The following SPRY3 variants were observed in gnomAD, a reference collection of about 807,000 sequenced individuals.
SPRY3 encodes the protein sprouty RTK signaling antagonist 3.
In SPRY3, 15 loss-of-function variants were observed where a neutral mutation model predicts 20.2. That is an observed-to-expected ratio of 0.74 (90% confidence interval 0.50 to 1.14). The LOEUF (loss-of-function observed/expected upper bound fraction) is 1.14, where lower values mean the gene tolerates loss of function less well. SPRY3 is among the 50% of genes most tolerant of loss of function. The probability of loss-of-function intolerance (pLI) is 0.00; values close to 1 mark genes in which losing one functional copy is unlikely to be tolerated. For synonymous variants in SPRY3, 143 were observed against 136.5 expected (o/e 1.05, Z -0.33); for missense variants, 364 against 363.9 (o/e 1.00, Z 0.00).
intron 2 of SPRY3, among the ~76,000 whole-genome samples, chrX:155,657,935 C>T (rs1220843847): frequency 7.3e-5 from 8 of 109,635 alleles, no homozygotes; most frequent in African/African-American, 2.8e-4. Context: ...GGGCTGCACC[C>T]GCTGCCTAAC....
intron 2 of SPRY3, among the ~76,000 whole-genome samples, chrX:155,724,311 A>G (rs1054521039): frequency 2.6e-5 from 4 of 152,026 alleles, no homozygotes; most frequent in African/African-American, 7.2e-5. Flanking sequence ...TTTTTTTCCA[A>G]TTCTGTGAAG....
intron 2 of SPRY3, among the ~76,000 whole-genome samples, chrX:155,751,136 C>T (rs2091260133): frequency 6.6e-6 from 1 of 151,566 alleles, no homozygotes. Flanking sequence ...AAGGAGTGAG[C>T]AGAAAAGACA....
intron 2 of SPRY3, among the ~76,000 whole-genome samples, chrX:155,733,823 C>T (rs1230740166): frequency 6.6e-6 from 1 of 152,128 alleles, no homozygotes; most frequent in African/African-American, 2.4e-5. Flanking sequence ...TCAGCACTTG[C>T]TGCTTCACCT....
intron 2 of SPRY3, among the ~76,000 whole-genome samples, chrX:155,728,759 G>A (rs1281469698): frequency 6.6e-6 from 1 of 152,106 alleles, no homozygotes; most frequent in Non-Finnish European, 1.5e-5. Context: ...CTGACCCCTT[G>A]TGCTTCCCAG....
At chrX:155,733,954 T>C (rs1414415727) in intron 2 of SPRY3, among the ~76,000 whole-genome samples, 1 of 152,134 alleles carries the variant, frequency 6.6e-6, no homozygotes, top group Non-Finnish European at 1.5e-5. Context: ...AAGGCCTTGC[T>C]CTGGATTTGG....
chrX:155,708,402 A>C (rs1005161777), intron 2 of SPRY3, among the ~76,000 whole-genome samples: 10 of 151,292 alleles, frequency 6.6e-5, no homozygotes, highest in Non-Finnish European at 1.5e-4. Flanking sequence ...TCATTCCCTT[A>C]TACATGATGA....
chrX:155,767,446 T>C (rs1051755996), intron 2 of SPRY3, among the ~76,000 whole-genome samples: 7 of 151,972 alleles, frequency 4.6e-5, no homozygotes, highest in African/African-American at 1.7e-4. Context: ...GCGGTATCTA[T>C]TGCTCCGTTG....
At chrX:155,711,688 A>G (rs1414251619) in intron 2 of SPRY3, among the ~76,000 whole-genome samples, 1 of 146,182 alleles carries the variant, frequency 6.8e-6, no homozygotes, top group African/African-American at 2.5e-5. Context: ...TCTTTTTACT[A>G]TTTTTTTTTT....
At chrX:155,769,725 T>C (rs756082660) in intron 3 of SPRY3, among the ~76,000 whole-genome samples, 138 of 152,290 alleles carry the variant, frequency 9.1e-4, no homozygotes, top group Non-Finnish European at 1.5e-3. Context: ...TAAACTGCTA[T>C]GAGTCTTAAT....
intron 2 of SPRY3, among the ~76,000 whole-genome samples, chrX:155,767,526 C>T (rs922209897): frequency 6.7e-6 from 1 of 150,038 alleles, no homozygotes; most frequent in Non-Finnish European, 1.5e-5. Context: ...GAGAGGGAGA[C>T]CAAGGTGGAG....
chrX:155,633,153 AAAC>A (rs2067911902), intron 1 of SPRY3, among the ~76,000 whole-genome samples: 1 of 110,810 alleles, frequency 9.0e-6, no homozygotes, highest in Admixed American at 9.6e-5. Flanking sequence ...TATTTGATCT[AAAC>A]AACAAGAATC....
intron 2 of SPRY3, among the ~76,000 whole-genome samples, chrX:155,735,839 T>C (rs2091165040): frequency 6.6e-6 from 1 of 151,986 alleles, no homozygotes; most frequent in South Asian, 2.1e-4. Flanking sequence ...GATTAATATG[T>C]ACCTTTTTAT....
At chrX:155,728,417 G>A (rs936577157) in intron 2 of SPRY3, among the ~76,000 whole-genome samples, 1 of 152,232 alleles carries the variant, frequency 6.6e-6, no homozygotes, top group African/African-American at 2.4e-5. Flanking sequence ...TGCCCACAGA[G>A]GTGGAGTCTA....
chrX:155,738,218 A>C lies in SPRY3; in HGVS notation c.-281-29744A>C, dbSNP rs2091181566. On this transcript the variant is annotated intron_variant, in intron 2 of 3. Coordinates refer to ENST00000675360, the Ensembl canonical transcript of SPRY3. Reference sequence around the variant, plus strand: ...GACTTTATCAAAATGAAAAAAATGCACTGGGAAAAAGATGTTAAGAGGATG... The same window carrying C: ...GACTTTATCAAAATGAAAAAAATGCCCTGGGAAAAAGATGTTAAGAGGATG... 2.0e-5 allele frequency among the ~76,000 whole-genome samples: 3 copies of C among 152,260 alleles called. No individual in the cohort carries two copies. The South Asian group carries it at 6.2e-4, about 32-fold the overall frequency.
At chrX:155,657,206 C>T (rs1308136905) in intron 2 of SPRY3, among the ~76,000 whole-genome samples, 4 of 111,962 alleles carry the variant, frequency 3.6e-5, no homozygotes, top group Non-Finnish European at 7.5e-5. Flanking sequence ...TCTGCTGAAG[C>T]TACACCCACT....
At chrX:155,775,306 T>A (rs1229484870) in exon 4 of SPRY3, 3 of 168,342 alleles carry the variant, frequency 1.8e-5, no homozygotes, top group African/African-American at 4.8e-5. Flanking sequence ...TTTTTCTCTT[T>A]CTTCCTCCCT....
chrX:155,766,661 C>G (rs1398715299), intron 2 of SPRY3, among the ~76,000 whole-genome samples: 3 of 152,162 alleles, frequency 2.0e-5, no homozygotes, highest in Non-Finnish European at 2.9e-5. Context: ...AAGATCCTTT[C>G]CTATTGAATT....
chrX:155,747,469 G>A (rs1290845809), intron 2 of SPRY3, among the ~76,000 whole-genome samples: 2 of 151,764 alleles, frequency 1.3e-5, no homozygotes, highest in South Asian at 4.2e-4. Flanking sequence ...GGCAAATATA[G>A]CATATTTTAA....
intron 2 of SPRY3, among the ~76,000 whole-genome samples, chrX:155,688,313 C>G (rs935233121): frequency 1.8e-5 from 2 of 110,356 alleles, no homozygotes; most frequent in African/African-American, 6.6e-5. Context: ...TATTCCATGT[C>G]TTTGCTATTG....
Sources: gnomAD v4.1 joint callset for allele counts (sites outside exome capture counted in the v4.1 genomes callset) on GRCh38, gnomAD v4.1.1 for gene constraint, MANE v1.5 for transcripts, NCBI Gene and HGNC (gene_info 2026-07-23, HGNC 2026-07-21) for gene names.